The following TAFA2 variants were observed in gnomAD, a reference collection of about 807,000 sequenced individuals.
The protein encoded by TAFA2 is TAFA chemokine like family member 2.
TAFA2 carries 7 observed loss-of-function variants against 18.8 expected under a neutral mutation model. The ratio of observed to expected loss-of-function variants is 0.37; its 90% CI spans 0.21 to 0.70. TAFA2 has a LOEUF of 0.70. Ranked by LOEUF, TAFA2 falls within the 30% of genes least tolerant of loss-of-function variation. The probability of loss-of-function intolerance (pLI) is 0.53; values close to 1 mark genes in which losing one functional copy is unlikely to be tolerated. For synonymous variants in TAFA2, 60 were observed against 54.2 expected, an observed-to-expected ratio of 1.11 and a Z score of -0.47; for missense variants, 122 against 158.1, an observed-to-expected ratio of 0.77 and a Z score of 1.23.
chr12:62,123,725 A>G (rs1870317874), intron 1 of TAFA2, among the ~76,000 whole-genome samples: 1 of 144,768 alleles, frequency 6.9e-6, no homozygotes, highest in Admixed American at 7.0e-5. Context: ...CCCTCCCCCA[A>G]CACACACACA....
At chr12:61,993,043 C>T (rs75378315) in intron 1 of TAFA2, among the ~76,000 whole-genome samples, 1,818 of 152,214 alleles carry the variant, frequency 0.012, 40 homozygotes, top group East Asian at 0.051. Context: ...ATTTCATGTC[C>T]AAAATCACAC....
chr12:62,103,435 G>A (rs926484891), intron 1 of TAFA2, among the ~76,000 whole-genome samples: 103 of 152,250 alleles, frequency 6.8e-4, no homozygotes, highest in African/African-American at 2.3e-3. Flanking sequence ...GTGCAGAATG[G>A]CTTATTAAAG....
chr12:62,047,264 C>G (rs1029001042), intron 1 of TAFA2, among the ~76,000 whole-genome samples: 1 of 152,002 alleles, frequency 6.6e-6, no homozygotes, highest in South Asian at 2.1e-4. Context: ...AAGGCTAGGT[C>G]GCAGAAAGCC....
chr12:61,776,739 A>T (rs1250546432), intron 2 of TAFA2, among the ~76,000 whole-genome samples: 2 of 151,926 alleles, frequency 1.3e-5, no homozygotes, highest in Non-Finnish European at 2.9e-5. Context: ...TTTAATAAAC[A>T]TAAAGATATT....
intron 1 of TAFA2, among the ~76,000 whole-genome samples, chr12:61,883,394 A>G (rs1049836489): frequency 6.6e-6 from 1 of 152,196 alleles, no homozygotes; most frequent in African/African-American, 2.4e-5. Flanking sequence ...AATCATGCAA[A>G]CATAAGGAAA....
intron 1 of TAFA2, among the ~76,000 whole-genome samples, chr12:62,045,797 C>T (rs1439182676): frequency 6.6e-6 from 1 of 152,070 alleles, no homozygotes; most frequent in Non-Finnish European, 1.5e-5. Flanking sequence ...CTACCCAGAA[C>T]AGTATGAGGG....
chr12:62,122,031 GAACACACAAAAGGGAAC>G (rs1870220480), intron 1 of TAFA2, among the ~76,000 whole-genome samples: 1 of 152,170 alleles, frequency 6.6e-6, no homozygotes, highest in Non-Finnish European at 1.5e-5. Context: ...GAGAACACAT[GAACACACAAAAGGGAAC>G]AACACACACT....
intron 1 of TAFA2, among the ~76,000 whole-genome samples, chr12:61,903,707 C>T (rs373926606): frequency 6.6e-6 from 1 of 152,094 alleles, no homozygotes; most frequent in South Asian, 2.1e-4. Context: ...GATTTGCGTG[C>T]TATTCTTTAA....
chr12:62,191,418 G>A lies in TAFA2; in HGVS notation c.-161C>T, dbSNP rs2062623721. On this transcript the variant is annotated 5_prime_UTR_variant, in exon 1 of 5. Coordinates refer to ENST00000416284, the MANE Select transcript of TAFA2 (RefSeq NM_178539.5). ...CGAAGTCTGGTGCTGTGTGATCGTG[G>A]AGGGCGGCGTGTGAGTGTGGCCCTG... The A allele has an allele frequency of 6.6e-6, 1 of 152,634 alleles. No homozygotes were observed. The highest frequency in any genetic ancestry group is 2.4e-5 in the African/African-American group (1 of 41,468). 9.5% of individuals were successfully genotyped at this position (152,634 alleles called of 1,614,324 possible).
At chr12:62,156,017 G>A (rs2062366857) in intron 1 of TAFA2, among the ~76,000 whole-genome samples, 1 of 152,160 alleles carries the variant, frequency 6.6e-6, no homozygotes, top group African/African-American at 2.4e-5. Context: ...AACCCACAGA[G>A]TGGGAGAAAA....
At chr12:61,787,044 A>G (rs1369552813) in intron 2 of TAFA2, among the ~76,000 whole-genome samples, 1 of 151,664 alleles carries the variant, frequency 6.6e-6, no homozygotes, top group Non-Finnish European at 1.5e-5. Flanking sequence ...ATCAAAGTCT[A>G]AATACTCCCA....
intron 4 of TAFA2, among the ~76,000 whole-genome samples, chr12:61,719,922 T>C (rs1869822407): frequency 6.6e-6 from 1 of 152,322 alleles, no homozygotes; most frequent in Middle Eastern, 3.4e-3. Context: ...GATCATTCTA[T>C]ATGTGGTAAA....
chr12:61,847,310 A>T (rs2121147375), intron 2 of TAFA2, among the ~76,000 whole-genome samples: 1 of 152,360 alleles, frequency 6.6e-6, no homozygotes, highest in East Asian at 1.9e-4. Flanking sequence ...CCTTGACAGC[A>T]TAATAATCTA....
At position 61,987,411 on chromosome 12, in the gene TAFA2, C is replaced by CATT. The variant is rs534074453; in HGVS notation, c.-1-119986_-1-119985insAAT. Among the ~76,000 whole-genome samples, 159 of 152,338 alleles carry CATT rather than the reference C, an allele frequency of 1.0e-3. 1 individual carries two copies. The highest frequency in any genetic ancestry group is 3.7e-3 in the African/African-American group (154 of 41,584). On this transcript the variant is annotated intron_variant, in intron 1 of 4. Coordinates refer to ENST00000416284, the MANE Select transcript of TAFA2 (RefSeq NM_178539.5). ...ATAAACAGTTCTGGTCAACTCATCA[C>CATT]TGAACGAATGTGCTAATGTCCTTCT... is the stretch of plus-strand genomic sequence containing the variant.
At chr12:61,963,448 G>T (rs1878958846) in intron 1 of TAFA2, among the ~76,000 whole-genome samples, 1 of 152,008 alleles carries the variant, frequency 6.6e-6, no homozygotes, top group Admixed American at 6.6e-5. Flanking sequence ...AATGGCCAGT[G>T]ATGATGAGTT....
chr12:61,801,618 T>G (rs1474583754), intron 2 of TAFA2, among the ~76,000 whole-genome samples: 1 of 152,096 alleles, frequency 6.6e-6, no homozygotes, highest in African/African-American at 2.4e-5. Flanking sequence ...TCAGTGTGGA[T>G]TAAAGACTTA....
At chr12:61,889,015 G>A (rs1386698056) in intron 1 of TAFA2, among the ~76,000 whole-genome samples, 1 of 152,130 alleles carries the variant, frequency 6.6e-6, no homozygotes, top group Admixed American at 6.5e-5. Flanking sequence ...GCAATGGGCT[G>A]GCCTTGATTG....
intron 1 of TAFA2, among the ~76,000 whole-genome samples, chr12:62,003,338 C>T (rs1880441903): frequency 6.6e-6 from 1 of 152,158 alleles, no homozygotes; most frequent in South Asian, 2.1e-4. Context: ...CTCCTATTCT[C>T]ATCTGCTAAC....
At chr12:61,957,467 T>G (rs1375191728) in intron 1 of TAFA2, among the ~76,000 whole-genome samples, 1 of 152,074 alleles carries the variant, frequency 6.6e-6, no homozygotes, top group Non-Finnish European at 1.5e-5. Context: ...GGGATTCTTC[T>G]GAAGTCAGGC....
Sources: gnomAD v4.1 joint callset for allele counts (sites outside exome capture counted in the v4.1 genomes callset) on GRCh38, gnomAD v4.1.1 for gene constraint, MANE v1.5 for transcripts, NCBI Gene and HGNC (gene_info 2026-07-23, HGNC 2026-07-21) for gene names.